ITGB3BP: variants seen among roughly 807,000 people sequenced by gnomAD.
ITGB3BP encodes the protein centromere protein R.
In ITGB3BP, 27 loss-of-function variants were observed where a neutral mutation model predicts 29.1. The observed-to-expected ratio is 0.93, with a 90% confidence interval of 0.68 to 1.28. The LOEUF is 1.28. ITGB3BP is among the 50% of genes most tolerant of loss of function. The probability of loss-of-function intolerance (pLI) is 0.00; values close to 1 mark genes in which losing one functional copy is unlikely to be tolerated. For synonymous variants in ITGB3BP, 61 were observed against 61.4 expected (o/e 0.99, Z 0.03); for missense variants, 192 against 200.2 (o/e 0.96, Z 0.25).
intron 8 of ITGB3BP, among the ~76,000 whole-genome samples, chr1:63,444,968 TA>T (rs1013751774): frequency 6.6e-6 from 1 of 152,130 alleles, no homozygotes; most frequent in Non-Finnish European, 1.5e-5. Context: ...ATAAAGTGTT[TA>T]TAACACTGCT....
intron 1 of ITGB3BP, among the ~76,000 whole-genome samples, chr1:63,518,200 G>T (rs1459190240): frequency 6.6e-6 from 1 of 152,128 alleles, no homozygotes; most frequent in Non-Finnish European, 1.5e-5. Flanking sequence ...AGTTTGCTGA[G>T]GGTTTTATTT....
chr1:63,486,439 A>G (rs1164082661), intron 3 of ITGB3BP, among the ~76,000 whole-genome samples: 1 of 152,074 alleles, frequency 6.6e-6, no homozygotes, highest in African/African-American at 2.4e-5. Flanking sequence ...GATGCCACAA[A>G]GTCAATTAAT....
chr1:63,510,053 G>T, intron 1 of ITGB3BP: 1 of 590,132 alleles, frequency 1.7e-6, no homozygotes. Context: ...AGCCTAGCGT[G>T]GTGGTGCGTG....
chr1:63,453,727 A>G (rs1171209647), intron 7 of ITGB3BP, 191 bp downstream of exon 7: 3 of 463,172 alleles, frequency 6.5e-6, no homozygotes, highest in Admixed American at 4.1e-5. Flanking sequence ...ATCTCATCAG[A>G]TATCATCTTC....
chr1:63,514,732 G>T (rs965207088), intron 1 of ITGB3BP, among the ~76,000 whole-genome samples: 3 of 152,098 alleles, frequency 2.0e-5, no homozygotes, highest in African/African-American at 7.2e-5. Flanking sequence ...CAGACCACAA[G>T]GTCAAGAGAC....
chr1:63,443,177 CAGG>C (rs1644750655), intron 8 of ITGB3BP: 1 of 152,276 alleles, frequency 6.6e-6, no homozygotes, highest in South Asian at 2.1e-4. Context: ...ACGGTGATAT[CAGG>C]AGTACTGTCA....
rs1264307956 is a variant in ITGB3BP, at chr1:63,490,203, T to C, written c.64A>G (p.Lys22Glu). The C allele has an allele frequency of 4.5e-6, 7 of 1,572,128 alleles. No homozygotes were observed. The highest frequency in any genetic ancestry group is 6.1e-6 in the Non-Finnish European group (7 of 1,145,454). Residue 22 changes from lysine to glutamate, a missense_variant, in exon 3 of 9, where the codon AAA becomes GAA. Physicochemically the swap from Lys to Glu is moderately conservative, Grantham distance 56. Transcript: ENST00000271002. ...ATAACACTTTTCTTCCTTGTGATTTTTGAAGGATCAAATGACTGGAAATAA... is the reference window on the plus strand; with the variant it reads ...ATAACACTTTTCTTCCTTGTGATTTCTGAAGGATCAAATGACTGGAAATAA... The part of the protein sequence containing the change: ...LLEENSFDPS[K>E]ITRKKSVITY...
upstream of ITGB3BP, among the ~76,000 whole-genome samples, chr1:63,524,425 G>T (rs1646542490): frequency 6.6e-6 from 1 of 152,064 alleles, no homozygotes; most frequent in Non-Finnish European, 1.5e-5. Context: ...TTATAAATAG[G>T]GTACTTCATC....
At chr1:63,497,976 G>A (rs571018320) in intron 2 of ITGB3BP, among the ~76,000 whole-genome samples, 1 of 151,354 alleles carries the variant, frequency 6.6e-6, no homozygotes, top group East Asian at 1.9e-4. Context: ...TATTGGTATT[G>A]GGGAAAAAAA....
In ITGB3BP at chr1:63,455,662, G is replaced by C. The variant is rs538322082; in HGVS notation, c.255-694C>G. Reference sequence around the variant, plus strand: ...TATACATTTTGGGGGGCCACATATTGAAGGCTGCACAATATTCTATTTAGT... The same window carrying C: ...TATACATTTTGGGGGGCCACATATTCAAGGCTGCACAATATTCTATTTAGT... On this transcript the variant is annotated intron_variant, in intron 4 of 8. Transcript: ENST00000271002. 2.6e-5 allele frequency among the ~76,000 whole-genome samples: 4 copies of C among 152,142 alleles called. No homozygotes were observed. The East Asian group carries it at 7.7e-4, about 29-fold the overall frequency.
At chr1:63,452,869 C>T (rs1174687789) in intron 7 of ITGB3BP, among the ~76,000 whole-genome samples, 1 of 152,070 alleles carries the variant, frequency 6.6e-6, no homozygotes, top group Non-Finnish European at 1.5e-5. Context: ...CATTGCCAAC[C>T]GATCACTGGC....
chr1:63,460,101 G>A (rs1463522537), intron 4 of ITGB3BP, among the ~76,000 whole-genome samples: 3 of 151,106 alleles, frequency 2.0e-5, no homozygotes, highest in South Asian at 2.1e-4. Flanking sequence ...TCTGCATTCC[G>A]TTCAGCTTAA....
At position 63,512,760 on chromosome 1, in the gene ITGB3BP, A is replaced by T. The variant is rs186607153; in HGVS notation, c.6-4190T>A. On this transcript the variant is annotated intron_variant, in intron 1 of 8. Transcript: ENST00000271002. ...ATTTCAGTGCTTCCATTTACTCCAC[A>T]CTATAATAGAGATGATAATATTGCC... 9.3e-4 allele frequency among the ~76,000 whole-genome samples: 142 copies of T among 152,288 alleles called. 1 individual carries two copies. Among genetic ancestry groups the T allele is most frequent in the African/African-American group, 3.2e-3 (135 of 41,574 alleles).
At chr1:63,526,253 C>A (rs1646587768), upstream of ITGB3BP, among the ~76,000 whole-genome samples, 1 of 151,722 alleles carries the variant, frequency 6.6e-6, no homozygotes. Context: ...TTGCTTCTGT[C>A]CTTTATCACA....
intron 4 of ITGB3BP, among the ~76,000 whole-genome samples, chr1:63,472,605 C>T (rs907470117): frequency 6.6e-5 from 10 of 150,900 alleles, no homozygotes; most frequent in African/African-American, 1.7e-4. Context: ...CGAGTGCCTG[C>T]GATTGCAGGC....
At chr1:63,512,676 A>C (rs1455148426) in intron 1 of ITGB3BP, among the ~76,000 whole-genome samples, 1 of 152,146 alleles carries the variant, frequency 6.6e-6, no homozygotes, top group Non-Finnish European at 1.5e-5. Flanking sequence ...AGTTGATAAT[A>C]ACACAGGCCT....
upstream of ITGB3BP, chr1:63,523,263 G>A (rs1646506185): frequency 2.4e-6 from 3 of 1,275,156 alleles, no homozygotes; most frequent in Non-Finnish European, 3.4e-6. Context: ...AGCCCACCGC[G>A]GCCGGGCGGA....
In ITGB3BP at chr1:63,452,344, A is replaced by T. The variant is rs562412941; in HGVS notation, c.484+1574T>A. Among the ~76,000 whole-genome samples, 4 of 152,346 alleles carry T rather than the reference A, an allele frequency of 2.6e-5. No individual in the cohort carries two copies. The South Asian group carries it at 8.3e-4, about 32-fold the overall frequency. On this transcript the variant is annotated intron_variant, in intron 7 of 8. Coordinates refer to ENST00000271002, the MANE Select transcript of ITGB3BP (RefSeq NM_014288.5). ...TCTAGGAAGTTACAGATTTTTAAGGAAATCACACTATTGGTGTAGAATATA... is the reference window on the plus strand; with the variant it reads ...TCTAGGAAGTTACAGATTTTTAAGGTAATCACACTATTGGTGTAGAATATA...
upstream of ITGB3BP, among the ~76,000 whole-genome samples, chr1:63,524,160 G>A (rs1646535485): frequency 2.6e-5 from 4 of 152,164 alleles, no homozygotes; most frequent in Admixed American, 2.0e-4. Context: ...TGTTTGGAAA[G>A]AATATTTGAG....
Sources: gnomAD v4.1 joint callset for allele counts (sites outside exome capture counted in the v4.1 genomes callset) on GRCh38, gnomAD v4.1.1 for gene constraint, MANE v1.5 for transcripts, NCBI Gene and HGNC (gene_info 2026-07-23, HGNC 2026-07-21) for gene names.